Variants in CACNB2 observed in about 807,000 individuals in gnomAD.
The protein encoded by CACNB2 is calcium voltage-gated channel auxiliary subunit beta 2.
A neutral mutation model predicts 73.3 loss-of-function variants in CACNB2; 42 were observed. That is an observed-to-expected ratio of 0.57 (90% CI 0.45 to 0.74). The LOEUF (loss-of-function observed/expected upper bound fraction) is 0.74. CACNB2 is among the 30% of genes least tolerant of loss of function. The pLI, the probability that CACNB2 is intolerant of heterozygous loss-of-function variation, is 0.00. For synonymous variants in CACNB2, 348 were observed against 310.3 expected (o/e 1.12, Z -1.28); for missense variants, 940 against 853.0 (o/e 1.10, Z -1.27).
chr10:18,485,894 T>C (rs1156990519), intron 3 of CACNB2, among the ~76,000 whole-genome samples: 1 of 148,584 alleles, frequency 6.7e-6, no homozygotes, highest in African/African-American at 2.5e-5. Flanking sequence ...CCATAGTCTC[T>C]TACAATAGGG....
At chr10:18,426,659 G>T (rs1480649945) in intron 3 of CACNB2, among the ~76,000 whole-genome samples, 1 of 152,116 alleles carries the variant, frequency 6.6e-6, no homozygotes, top group African/African-American at 2.4e-5. Context: ...GGGCAACCTG[G>T]CGAGAATGTG....
chr10:18,380,089 G>A (rs925412850), intron 2 of CACNB2, among the ~76,000 whole-genome samples: 1 of 152,134 alleles, frequency 6.6e-6, no homozygotes, highest in Admixed American at 6.5e-5. Context: ...ATCTCAGTTT[G>A]CATAATGTCT....
intron 3 of CACNB2, among the ~76,000 whole-genome samples, chr10:18,461,669 T>C (rs1409480488): frequency 6.6e-6 from 1 of 151,628 alleles, no homozygotes; most frequent in Non-Finnish European, 1.5e-5. Flanking sequence ...CACAACAGGG[T>C]TCACGCTGCA....
intron 3 of CACNB2, among the ~76,000 whole-genome samples, chr10:18,432,710 C>A (rs1482885193): frequency 1.3e-5 from 2 of 151,950 alleles, no homozygotes; most frequent in South Asian, 2.1e-4. Flanking sequence ...GTGGAGTGTA[C>A]CTGTAGTCCC....
chr10:18,305,849 A>T (rs1018264465), intron 2 of CACNB2, among the ~76,000 whole-genome samples: 2 of 152,118 alleles, frequency 1.3e-5, no homozygotes, highest in Non-Finnish European at 2.9e-5. Flanking sequence ...GCATATAAAA[A>T]TGATAAGTGT....
intron 9 of CACNB2, among the ~76,000 whole-genome samples, chr10:18,525,620 G>T (rs2052391265): frequency 6.6e-6 from 1 of 151,818 alleles, no homozygotes; most frequent in South Asian, 2.1e-4. Context: ...TCTTGGTGTG[G>T]GTATTTCAAC....
chr10:18,322,098 G>T (rs989005589), intron 2 of CACNB2, among the ~76,000 whole-genome samples: 1 of 152,112 alleles, frequency 6.6e-6, no homozygotes, highest in African/African-American at 2.4e-5. Flanking sequence ...GGAGGCTGTG[G>T]TGAGCTATGA....
At chr10:18,333,293 G>A (rs1044958701) in intron 2 of CACNB2, among the ~76,000 whole-genome samples, 3 of 152,210 alleles carry the variant, frequency 2.0e-5, no homozygotes, top group South Asian at 4.1e-4. Context: ...AATTGCAGGC[G>A]GGATTGATCA....
intron 2 of CACNB2, among the ~76,000 whole-genome samples, chr10:18,241,806 G>GT (rs1397870140): frequency 6.6e-6 from 1 of 151,912 alleles, no homozygotes; most frequent in Non-Finnish European, 1.5e-5. Context: ...CTGCTGAAAA[G>GT]CCAGAGAAAT....
At chr10:18,358,021 A>G (rs929333203) in intron 2 of CACNB2, among the ~76,000 whole-genome samples, 15 of 152,224 alleles carry the variant, frequency 9.9e-5, no homozygotes, top group Non-Finnish European at 1.2e-4. Flanking sequence ...AAATATTTAA[A>G]GAAGGAATAA....
intron 2 of CACNB2, chr10:18,206,216 T>G (rs1385480805): frequency 1.3e-5 from 2 of 152,474 alleles, no homozygotes; most frequent in African/African-American, 2.4e-5. Context: ...TGTCTCAAAC[T>G]CCTGACCTCA....
chr10:18,231,993 T>C (rs1304422698), intron 2 of CACNB2, among the ~76,000 whole-genome samples: 1 of 152,248 alleles, frequency 6.6e-6, no homozygotes, highest in East Asian at 1.9e-4. Context: ...ACACCTTCTT[T>C]TGGAAATTGT....
chr10:18,191,860 TC>T (rs1431409357), intron 2 of CACNB2, among the ~76,000 whole-genome samples: 4 of 152,196 alleles, frequency 2.6e-5, no homozygotes, highest in African/African-American at 9.7e-5. Context: ...TTGTGTTGGT[TC>T]CATATTTTTG....
chr10:18,531,620 C>G, intron 10 of CACNB2, among the ~76,000 whole-genome samples: 1 of 152,198 alleles, frequency 6.6e-6, no homozygotes, highest in Non-Finnish European at 1.5e-5. Context: ...CTAATTTACA[C>G]TCCCATCAAC....
At chr10:18,201,275 C>CT (rs11381087) in intron 2 of CACNB2, among the ~76,000 whole-genome samples, 45,036 of 138,630 alleles carry the variant, frequency 0.32, 7,729 homozygotes, top group Middle Eastern at 0.42. Flanking sequence ...GGTCCAGTAT[C>CT]TTTTTTTTTT....
intron 2 of CACNB2, among the ~76,000 whole-genome samples, chr10:18,313,132 G>T (rs368943638): frequency 6.6e-6 from 1 of 151,712 alleles, no homozygotes; most frequent in Non-Finnish European, 1.5e-5. Flanking sequence ...ATTATTCATC[G>T]TTAGATGAGA....
intron 2 of CACNB2, among the ~76,000 whole-genome samples, chr10:18,302,791 C>G (rs186685850): frequency 6.3e-4 from 96 of 152,260 alleles, no homozygotes; most frequent in African/African-American, 1.7e-3. Context: ...AAATCTCACA[C>G]ATCACCACTA....
At chr10:18,462,667 T>A (rs2047645341) in intron 3 of CACNB2, among the ~76,000 whole-genome samples, 1 of 152,200 alleles carries the variant, frequency 6.6e-6, no homozygotes, top group Non-Finnish European at 1.5e-5. Context: ...CTTTCAGTAT[T>A]TTTAGCATCT....
chr10:18,490,745 C>G (rs2049362997), intron 3 of CACNB2, among the ~76,000 whole-genome samples: 1 of 151,910 alleles, frequency 6.6e-6, no homozygotes, highest in Non-Finnish European at 1.5e-5. Flanking sequence ...TCTACAGGAT[C>G]CTACCTAGGG....
Sources: allele counts gnomAD v4.1 joint callset (sites outside exome capture counted in the v4.1 genomes callset), GRCh38; gene constraint gnomAD v4.1.1; transcripts MANE v1.5; gene names NCBI Gene and HGNC (gene_info 2026-07-23, HGNC 2026-07-21).